The following LRCH4 variants were observed in gnomAD, a reference collection of about 807,000 sequenced individuals.
The protein encoded by LRCH4 is leucine-rich repeat and calponin homology domain-containing protein 4.
In LRCH4, 56 loss-of-function variants were observed where a neutral mutation model predicts 81.2. The ratio of observed to expected loss-of-function variants is 0.69; its 90% confidence interval spans 0.56 to 0.86. The LOEUF (loss-of-function observed/expected upper bound fraction) is 0.86, where lower values mean the gene tolerates loss of function less well. Ranked by LOEUF, LRCH4 falls within the 40% of genes least tolerant of loss-of-function variation. LRCH4 has a pLI of 0.00. For synonymous variants in LRCH4, 442 were observed against 409.7 expected, an observed-to-expected ratio of 1.08 and a Z score of -0.95; for missense variants, 895 against 922.8, an observed-to-expected ratio of 0.97 and a Z score of 0.39.
chr7:100,584,240 T>C (rs1439137075), intron 1 of LRCH4: 1 of 456,276 alleles, frequency 2.2e-6, no homozygotes, highest in African/African-American at 2.0e-5. Flanking sequence ...CCCCTTTCTG[T>C]CCCTGCTTGC....
At chr7:100,580,744 ACAC>A (rs1392743008) in intron 4 of LRCH4, 2 of 152,310 alleles carry the variant, frequency 1.3e-5, no homozygotes, top group East Asian at 1.9e-4. Context: ...ACACGCACAC[ACAC>A]GACATAAATA....
Position 100,575,345 on chromosome 7 carries a change from A to G in LRCH4, c.1855-41T>C. On this transcript the variant is annotated intron_variant, in intron 17 of 17. Coordinates refer to ENST00000310300, the MANE Select transcript of LRCH4 (RefSeq NM_002319.5). The surrounding 1 kb of genome is among the most constrained non-coding windows in gnomAD (Gnocchi z 5.3). Reference sequence around the variant, plus strand: ...GCAGGTGGACAAGGACAAGGGACAGACGTCAGCAGCAGCAGCAGGACAGTC... The same window carrying G: ...GCAGGTGGACAAGGACAAGGGACAGGCGTCAGCAGCAGCAGCAGGACAGTC... 1 of 1,494,618 alleles carries G rather than the reference A, an allele frequency of 6.7e-7. No individual in the cohort carries two copies. The highest frequency in any genetic ancestry group is 9.0e-7 in the Non-Finnish European group (1 of 1,109,946). The allele number at this position is 1,494,618 out of a possible 1,614,324, so 92.6% of individuals were successfully genotyped here. A position where few individuals can be genotyped will look rare whatever the true frequency, so the allele number is the denominator to read the frequency against.
At chr7:100,580,444 A>ACACACG (rs1554349846) in intron 4 of LRCH4, 1 of 146,038 alleles carries the variant, frequency 6.8e-6, no homozygotes, top group Non-Finnish European at 1.5e-5. Flanking sequence ...ACACACACAC[A>ACACACG]CAAAACCCAC....
rs996988214 is a variant in LRCH4 at position 100,575,546 on chromosome 7, G to A, written c.1854+159C>T. The A allele has an allele frequency of 7.4e-6, 7 of 948,254 alleles. No individual in the cohort carries two copies. The highest frequency in any genetic ancestry group is 3.2e-5 in the African/African-American group (2 of 62,084). 58.7% of individuals were successfully genotyped at this position (948,254 alleles called of 1,614,324 possible). On this transcript the variant is annotated intron_variant, in intron 17 of 17. Transcript: ENST00000310300. The surrounding 1 kb of genome is among the most constrained non-coding windows in gnomAD (Gnocchi z 5.3). ...ATGTGTAGGACAGGTGACATGCAGG[G>A]CAGGGGGCATGCAGGGCAGGGGGCA...
chr7:100,576,567 T>C (rs1801366237), intron 14 of LRCH4, 127 bp downstream of exon 14: 1 of 847,202 alleles, frequency 1.2e-6, no homozygotes, highest in Non-Finnish European at 1.9e-6. Flanking sequence ...CCCGGCTTGC[T>C]TGTGGGATTT....
At chr7:100,576,111 C>T in intron 15 of LRCH4, 103 bp from the exon 16 acceptor site, 14 of 1,484,248 alleles carry the variant, frequency 9.4e-6, no homozygotes, top group South Asian at 1.2e-5. Context: ...GTGCCTGTCC[C>T]TTCCTGTCCT....
rs1801257250 is a variant in LRCH4 at position 100,574,319 on chromosome 7, T to G, written c.*788A>C. The G allele has an allele frequency of 1.7e-5, 3 of 172,350 alleles. No individual in the cohort carries two copies. The South Asian group carries it at 2.6e-4, about 15-fold the overall frequency. 10.7% of individuals were successfully genotyped at this position (172,350 alleles called of 1,614,324 possible). ...GGGGAGGCCCCTTCCCGGGGCCCCCTCCTCTTCCAGGATGTGGTGGGGCTG... is the reference window on the plus strand; with the variant it reads ...GGGGAGGCCCCTTCCCGGGGCCCCCGCCTCTTCCAGGATGTGGTGGGGCTG... On this transcript the variant is annotated 3_prime_UTR_variant, in exon 18 of 18. Coordinates refer to ENST00000310300, the MANE Select transcript of LRCH4 (RefSeq NM_002319.5).
chr7:100,574,769 G>A lies in LRCH4; in HGVS notation c.*338C>T, dbSNP rs1044086726. The A allele has an allele frequency of 7.0e-6, 2 of 284,176 alleles. No homozygotes were observed. Among genetic ancestry groups the A allele is most frequent in the Non-Finnish European group, 1.3e-5 (2 of 149,746 alleles). The allele number at this position is 284,176 out of a possible 1,614,324, so 17.6% of individuals were successfully genotyped here. ...GAGATAATTTAGCCCCCCCATAGCA[G>A]CTGTTGGGGGGGGAAGGGGAGGGCA... On this transcript the variant is annotated 3_prime_UTR_variant, in exon 18 of 18. Transcript: ENST00000310300.
intron 4 of LRCH4, chr7:100,579,839 C>T (rs1801477049): frequency 1.3e-5 from 2 of 152,226 alleles, no homozygotes; most frequent in African/African-American, 4.8e-5. Flanking sequence ...CAAGCATCAC[C>T]ACCTCCTCGG....
At position 100,578,792 on chromosome 7, in the gene LRCH4, A is replaced by C; in HGVS notation, c.599-6T>G. 6.2e-7 allele frequency: 1 copy of C among 1,612,522 alleles called. No individual in the cohort carries two copies. The highest frequency in any genetic ancestry group is 8.5e-7 in the Non-Finnish European group (1 of 1,179,630). On this transcript the variant is annotated splice_polypyrimidine_tract_variant and splice_region_variant and intron_variant, in intron 4 of 17. Coordinates refer to ENST00000310300, the MANE Select transcript of LRCH4 (RefSeq NM_002319.5). This position sits in a 1 kb window ranked among gnomAD's most constrained non-coding sequence, Gnocchi z 5.7. ...CAGAGGGAGGTCCCCCAGCTCTGGA[A>C]CAGGTGGGCAAGGGAAAAGTCAGGA...
chr7:100,585,676 C>T (rs1801712567), intron 1 of LRCH4, among the ~76,000 whole-genome samples: 2 of 152,088 alleles, frequency 1.3e-5, no homozygotes, highest in African/African-American at 4.8e-5. Flanking sequence ...AGGCGCAGGG[C>T]GTTCTGTGCA....
Position 100,577,467 on chromosome 7 carries a change from C to A in LRCH4, c.1178+30G>T. The A allele has an allele frequency of 6.2e-7, 1 of 1,604,898 alleles. No homozygotes were observed. The highest frequency in any genetic ancestry group is 8.5e-7 in the Non-Finnish European group (1 of 1,179,878). ...GCGGTTGGGGGGTGGGAGGATCGGGCAGTGGCGTCAGTTTGGGGGCTTGGG... is the reference window on the plus strand; with the variant it reads ...GCGGTTGGGGGGTGGGAGGATCGGGAAGTGGCGTCAGTTTGGGGGCTTGGG... On this transcript the variant is annotated intron_variant, in intron 10 of 17. Transcript: ENST00000310300. This position sits in a 1 kb window ranked among gnomAD's most constrained non-coding sequence, Gnocchi z 6.7.
At position 100,582,423 on chromosome 7, in the gene LRCH4, G is replaced by A. The variant is rs148352509; in HGVS notation, c.257C>T (p.Ala86Val). Residue 86 changes from alanine (A) to valine (V), a missense_variant, in exon 2 of 18, where the codon GCG (alanine) becomes GTG (valine). Around this residue, in one of 3 missense-constraint regions of LRCH4, gnomAD observed 360 missense variants for 397.0 expected, o/e 0.91. Coordinates refer to ENST00000310300, the MANE Select transcript of LRCH4 (RefSeq NM_002319.5). The surrounding 1 kb of genome is among the most constrained non-coding windows in gnomAD (Gnocchi z 5.0). ...SRNRFPEVPEAACQLVSLEGL... is the reference protein window; with the variant it reads ...SRNRFPEVPEVACQLVSLEGL... ...CTCCAGGGACACCAGCTGGCACGCC[G>A]CCTCGGGCACCTCGGGAAACCGGTT... 7.3e-5 allele frequency: 118 copies of A among 1,612,588 alleles called. No homozygotes were observed. The African/African-American group carries it at 1.2e-3, about 16-fold the overall frequency.
Position 100,583,811 on chromosome 7 carries a change from C to A in LRCH4, c.221-1352G>T, listed in dbSNP as rs1801633742. ...CGCCTCCACCTGCCCGCTTTCTCTG[C>A]AAATGTGTTTGTGTGTGTGCATGTG... On this transcript the variant is annotated intron_variant, in intron 1 of 17. Coordinates refer to ENST00000310300, the MANE Select transcript of LRCH4 (RefSeq NM_002319.5). The surrounding 1 kb of genome is among the most constrained non-coding windows in gnomAD (Gnocchi z 4.3). 6.6e-6 allele frequency among the ~76,000 whole-genome samples: 1 copy of A among 152,164 alleles called. No homozygotes were observed. The highest frequency in any genetic ancestry group is 1.5e-5 in the Non-Finnish European group (1 of 68,038).
intron 14 of LRCH4, 24 bp downstream of exon 14, chr7:100,576,670 C>CA: frequency 1.3e-6 from 2 of 1,568,238 alleles, no homozygotes; most frequent in Non-Finnish European, 1.7e-6. Flanking sequence ...ACTGGGTCAG[C>CA]ACTGGGGAGG....
chr7:100,577,347 G>C lies in LRCH4; in HGVS notation c.1221C>G (p.Thr407=). ...PAGEERRRPD[T]LQLWQERERR... ...GTTCCCGCTCCTGCCACAGCTGCAA[G>C]GTGTCCGGGCGCCGCCGCTCCTCCC... Residue 407 remains threonine (T), a synonymous_variant, in exon 11 of 18, where the codon ACC becomes ACG. Transcript: ENST00000310300. This position sits in a 1 kb window ranked among gnomAD's most constrained non-coding sequence, Gnocchi z 6.7. The C allele has an allele frequency of 6.3e-7, 1 of 1,599,570 alleles. No individual in the cohort carries two copies. The highest frequency in any genetic ancestry group is 1.7e-4 in the Middle Eastern group (1 of 5,984).
rs565765398 is a variant in LRCH4, at chr7:100,582,521, T to TACC, written c.221-63_221-62insGGT. 4.4e-4 allele frequency: 674 copies of TACC among 1,545,732 alleles called. 3 individuals are homozygous for TACC. In the African/African-American group the frequency reaches 8.1e-3, roughly 19 times the overall value. Reference sequence around the variant, plus strand: ...GGCCCAGCCCGGACAGGACCTTCAGTCCCCCCAGAGCCGGCTGCCCACTCC... The same window carrying TACC: ...GGCCCAGCCCGGACAGGACCTTCAGTACCCCCCCCAGAGCCGGCTGCCCACTCC... On this transcript the variant is annotated intron_variant, in intron 1 of 17. Coordinates refer to ENST00000310300, the MANE Select transcript of LRCH4 (RefSeq NM_002319.5). The surrounding 1 kb of genome is among the most constrained non-coding windows in gnomAD (Gnocchi z 5.0).
intron 4 of LRCH4, 99 bp downstream of exon 4, chr7:100,581,678 T>C (rs1246109897): frequency 1.1e-5 from 10 of 950,100 alleles, no homozygotes; most frequent in Non-Finnish European, 1.7e-5. Context: ...ATGCCTGCCA[T>C]GTATAAGCTA....
Position 100,586,125 on chromosome 7 carries a change from T to G in LRCH4, c.-25A>C, listed in dbSNP as rs925587637. ...TCCGCTCCCGGCGGCTCCCGCTGCC[T>G]GACTGACGGGACCGGCCGTCCCTCC... is the stretch of plus-strand genomic sequence containing the variant. On this transcript the variant is annotated 5_prime_UTR_variant, in exon 1 of 18. Transcript: ENST00000310300. The G allele has an allele frequency of 8.0e-6, 12 of 1,498,838 alleles. No homozygotes were observed. Among genetic ancestry groups the G allele is most frequent in the South Asian group, 1.3e-5 (1 of 78,316 alleles). The allele number at this position is 1,498,838 out of a possible 1,614,324, so 92.8% of individuals were successfully genotyped here.
Sources: allele counts gnomAD v4.1 joint callset (sites outside exome capture counted in the v4.1 genomes callset), GRCh38; gene constraint gnomAD v4.1.1; regional missense constraint gnomAD v4.1.1; non-coding constraint Gnocchi (gnomAD v3.1); transcripts MANE v1.5; gene names NCBI Gene and HGNC (gene_info 2026-07-23, HGNC 2026-07-21).